DCLK3: variants seen among roughly 807,000 people sequenced by gnomAD.
The protein encoded by DCLK3 is serine/threonine-protein kinase DCLK3.
DCLK3 carries 30 observed loss-of-function variants against 46.4 expected under a neutral mutation model. The observed-to-expected ratio is 0.65, with a 90% CI of 0.48 to 0.88. The LOEUF is 0.88. DCLK3 is among the 40% of genes least tolerant of loss of function. The probability of loss-of-function intolerance (pLI) is 0.00; values close to 1 mark genes in which losing one functional copy is unlikely to be tolerated. For missense variants in DCLK3, 846 were observed against 907.1 expected (o/e 0.93, Z 0.87); for synonymous variants, 401 against 339.2 (o/e 1.18, Z -2.00).
In DCLK3 at chr3:36,714,024, C is replaced by T. The variant is rs1292097781; in HGVS notation, c.*1304G>A. 1 of 152,206 alleles carries T rather than the reference C, an allele frequency of 6.6e-6. No homozygotes were observed. The highest frequency in any genetic ancestry group is 1.5e-5 in the Non-Finnish European group (1 of 68,062). 9.4% of individuals were successfully genotyped at this position (152,206 alleles called of 1,614,324 possible). A position where few individuals can be genotyped will look rare whatever the true frequency, so the allele number is the denominator to read the frequency against. ...CTTGGAGGACCTGAGTGGCATACTA[C>T]AGTGTCCACTACAAGAAATTTCTCC... On this transcript the variant is annotated 3_prime_UTR_variant, in exon 5 of 5. Transcript: ENST00000636136.
At chr3:36,745,913 C>T (rs1701390025) in intron 1 of DCLK3, among the ~76,000 whole-genome samples, 1 of 152,268 alleles carries the variant, frequency 6.6e-6, no homozygotes, top group East Asian at 1.9e-4. Flanking sequence ...CTCAAAAATG[C>T]TACTGTTTCG....
At chr3:36,745,391 T>G (rs1701384870) in intron 1 of DCLK3, among the ~76,000 whole-genome samples, 1 of 152,226 alleles carries the variant, frequency 6.6e-6, no homozygotes, top group Non-Finnish European at 1.5e-5. Context: ...AAAATTGCTA[T>G]AGGACTCAAG....
rs188151633 is a variant in DCLK3 at position 36,728,552 on chromosome 3, C to A, written c.1960-6893G>T. Among the ~76,000 whole-genome samples, 39 of 152,236 alleles carry A rather than the reference C, an allele frequency of 2.6e-4. No homozygotes were observed. The East Asian group carries it at 6.2e-3, about 24-fold the overall frequency. ...TCTCTCTCTCTCTGCACTCCCTCCTCCCCCTCCTCCTGGGACATCAGAACT... is the reference window on the plus strand; with the variant it reads ...TCTCTCTCTCTCTGCACTCCCTCCTACCCCTCCTCCTGGGACATCAGAACT... On this transcript the variant is annotated intron_variant, in intron 2 of 4. Coordinates refer to ENST00000636136, the MANE Select transcript of DCLK3 (RefSeq NM_001394672.2).
At chr3:36,742,555 A>C (rs1038552368) in intron 1 of DCLK3, among the ~76,000 whole-genome samples, 1 of 152,240 alleles carries the variant, frequency 6.6e-6, no homozygotes, top group Non-Finnish European at 1.5e-5. Flanking sequence ...CTTGGTCTGC[A>C]GCAAAAGTGA....
intron 1 of DCLK3, among the ~76,000 whole-genome samples, chr3:36,751,064 A>AAAAAAAAAG (rs1559394249): frequency 2.3e-5 from 1 of 42,622 alleles, no homozygotes; most frequent in African/African-American, 1.3e-4. Context: ...GGGATGATCT[A>AAAAAAAAAG]AAAAAAAAAA....
Position 36,738,170 on chromosome 3 carries a change from G to T in DCLK3, c.997C>A (p.Leu333Met), listed in dbSNP as rs748514655. 1.2e-6 allele frequency: 2 copies of T among 1,613,918 alleles called. No individual in the cohort carries two copies. The highest frequency in any genetic ancestry group is 1.7e-6 in the Non-Finnish European group (2 of 1,179,960). ...TACATTGGGCCCTTCCCCATATCCA[G>T]CTCACTGGTCCCCAGAGAAAGCCTC... ...RERLSLGTSELDMGKGPMYDV... is the reference protein window; with the variant it reads ...RERLSLGTSEMDMGKGPMYDV... Residue 333 changes from leucine (L) to methionine (M), a missense_variant, in exon 2 of 5, where the codon CTG (leucine) becomes ATG (methionine). Coordinates refer to ENST00000636136, the MANE Select transcript of DCLK3 (RefSeq NM_001394672.2).
chr3:36,759,012 T>A (rs923875935), intron 1 of DCLK3, among the ~76,000 whole-genome samples: 2 of 152,242 alleles, frequency 1.3e-5, no homozygotes, highest in Non-Finnish European at 2.9e-5. Context: ...TATATATTTG[T>A]TTTGGTTATG....
intron 1 of DCLK3, among the ~76,000 whole-genome samples, chr3:36,739,615 G>C (rs539518816): frequency 1.3e-5 from 2 of 152,298 alleles, no homozygotes; most frequent in South Asian, 4.1e-4. Flanking sequence ...CTTCCGCCAT[G>C]ATTGTGAGGC....
intron 1 of DCLK3, among the ~76,000 whole-genome samples, chr3:36,751,989 G>A (rs1701446484): frequency 1.3e-5 from 2 of 152,220 alleles, no homozygotes; most frequent in South Asian, 4.1e-4. Context: ...TCAACATTCT[G>A]TAGGGCCAGC....
At chr3:36,729,248 T>TG (rs71085143) in intron 2 of DCLK3, among the ~76,000 whole-genome samples, 13,480 of 92,296 alleles carry the variant, frequency 0.15, 1,144 homozygotes, top group Admixed American at 0.15. Context: ...TGTGTGTGTG[T>TG]GGGGGGGGGG....
In DCLK3 at chr3:36,725,648, T is replaced by C. The variant is rs143056031; in HGVS notation, c.1960-3989A>G. On this transcript the variant is annotated intron_variant, in intron 2 of 4. Coordinates refer to ENST00000636136, the MANE Select transcript of DCLK3 (RefSeq NM_001394672.2). ...AAAGAGGGGAGAATGGGAGTGACAG[T>C]TTCCAGCAAATAGGCTTATGTCACA... Among the ~76,000 whole-genome samples the C allele has an allele frequency of 3.7e-3, 560 of 152,286 alleles. 4 individuals carry two copies. Among genetic ancestry groups the C allele is most frequent in the African/African-American group, 0.013 (525 of 41,568 alleles).
Position 36,737,902 on chromosome 3 carries a change from G to A in DCLK3, c.1265C>T (p.Thr422Ile). The A allele has an allele frequency of 1.9e-6, 3 of 1,614,006 alleles. No homozygotes were observed. The highest frequency in any genetic ancestry group is 2.5e-6 in the Non-Finnish European group (3 of 1,180,028). ...CTTCACCTCCCTCAGCCCCTCCTCT[G>A]TGACAGGAAGAACTTCCACAAGGTC... is the stretch of plus-strand genomic sequence containing the variant. The part of the protein sequence containing the change: ...KKDLVEVLPV[T>I]EEGLREVKKD... Residue 422 changes from threonine to isoleucine, a missense_variant, in exon 2 of 5, where the codon ACA becomes ATA. By Grantham distance (89) the Thr-to-Ile change is moderately conservative. Transcript: ENST00000636136. The surrounding 1 kb of genome is among the most constrained non-coding windows in gnomAD (Gnocchi z 4.4).
intron 1 of DCLK3, among the ~76,000 whole-genome samples, chr3:36,757,911 C>T (rs80101470): frequency 0.016 from 2,499 of 152,204 alleles, 80 homozygotes; most frequent in African/African-American, 0.056. Context: ...GCGTGTCTCT[C>T]AAATCCATGC....
rs116207627 is a variant in DCLK3, at chr3:36,730,037, C to T, written c.1959+7171G>A. Reference sequence around the variant, plus strand: ...ACAAAAAATACCAAAATATTAGCCACGTGTGGTGGTTTATACCTGTGGTCC... The same window carrying T: ...ACAAAAAATACCAAAATATTAGCCATGTGTGGTGGTTTATACCTGTGGTCC... On this transcript the variant is annotated intron_variant, in intron 2 of 4. Coordinates refer to ENST00000636136, the MANE Select transcript of DCLK3 (RefSeq NM_001394672.2). Among the ~76,000 whole-genome samples the T allele has an allele frequency of 3.1e-3, 469 of 152,108 alleles. 2 individuals carry two copies. In the Middle Eastern group the frequency reaches 0.037, roughly 12 times the overall value.
chr3:36,736,291 T>C (rs1274742342), intron 2 of DCLK3, among the ~76,000 whole-genome samples: 3 of 152,204 alleles, frequency 2.0e-5, no homozygotes, highest in African/African-American at 4.8e-5. Flanking sequence ...TCTTAATAAT[T>C]CTTACATGAA....
At chr3:36,755,871 T>TAGGAG (rs1331397156) in intron 1 of DCLK3, among the ~76,000 whole-genome samples, 11 of 152,214 alleles carry the variant, frequency 7.2e-5, no homozygotes, top group African/African-American at 2.4e-5. Flanking sequence ...TCTCCATCTC[T>TAGGAG]GATCCTCCAT....
chr3:36,719,170 C>A (rs1435481361), intron 3 of DCLK3, among the ~76,000 whole-genome samples: 1 of 152,126 alleles, frequency 6.6e-6, no homozygotes, highest in African/African-American at 2.4e-5. Flanking sequence ...CCTAAAATAA[C>A]CTTCCAGCAA....
intron 1 of DCLK3, among the ~76,000 whole-genome samples, chr3:36,756,215 G>A (rs942170325): frequency 2.6e-5 from 4 of 152,232 alleles, no homozygotes; most frequent in Admixed American, 6.5e-5. Context: ...CCTCTGGAGA[G>A]ATTGAGTAGA....
At chr3:36,726,602 T>A (rs1158346718) in intron 2 of DCLK3, among the ~76,000 whole-genome samples, 1 of 152,106 alleles carries the variant, frequency 6.6e-6, no homozygotes, top group African/African-American at 2.4e-5. Context: ...CCCCTGTCTC[T>A]CCAGACCAGA....
Sources: gnomAD v4.1 joint callset for allele counts (sites outside exome capture counted in the v4.1 genomes callset) on GRCh38, gnomAD v4.1.1 for gene constraint, Gnocchi (gnomAD v3.1) non-coding constraint, MANE v1.5 for transcripts, NCBI Gene and HGNC (gene_info 2026-07-23, HGNC 2026-07-21) for gene names.